The following RAI1 variants were observed in gnomAD, a reference collection of about 807,000 sequenced individuals.
The protein encoded by RAI1 is retinoic acid-induced protein 1.
Under a neutral mutation model 123.8 loss-of-function variants are expected in RAI1, and 9 were observed. The ratio of observed to expected loss-of-function variants is 0.07; its 90% CI spans 0.04 to 0.13. The LOEUF (loss-of-function observed/expected upper bound fraction) is 0.13. Ranked by LOEUF, RAI1 falls within the 10% of genes least tolerant of loss-of-function variation. RAI1 has a pLI of 1.00. For missense variants in RAI1, 2,256 were observed against 2,545.8 expected, an observed-to-expected ratio of 0.89 and a Z score of 2.45; for synonymous variants, 1,231 against 1,127.3, an observed-to-expected ratio of 1.09 and a Z score of -1.84.
chr17:17,793,021 T>C lies in RAI1; in HGVS notation c.73T>C (p.Ser25Pro). The C allele has an allele frequency of 6.2e-7, 1 of 1,613,810 alleles. No individual in the cohort carries two copies. The change falls in exon 3 of 6, where the codon TCA (serine) becomes CCA (proline). Residue 25 changes from serine to proline, a missense_variant. By Grantham distance (74) the Ser-to-Pro change is moderately conservative. This residue lies in a region of RAI1 where 336 missense variants were observed against 349.8 expected (regional missense o/e 0.96). Coordinates refer to ENST00000353383, the MANE Select transcript of RAI1 (RefSeq NM_030665.4). ...QNYQQTSQET[S>P]RLENYRQPSQ... ...CTACCAGCAGACCTCGCAGGAAACA[T>C]CACGCCTAGAGAATTACAGGCAGCC...
chr17:17,717,740 C>T (rs1915755991), intron 1 of RAI1, among the ~76,000 whole-genome samples: 1 of 152,134 alleles, frequency 6.6e-6, no homozygotes, highest in African/African-American at 2.4e-5. Context: ...TTCACTCAGA[C>T]GCTGGCGCTG....
chr17:17,788,133 A>G (rs1213792144), intron 2 of RAI1, among the ~76,000 whole-genome samples: 1 of 152,118 alleles, frequency 6.6e-6, no homozygotes, highest in Non-Finnish European at 1.5e-5. Context: ...TTCCTTGAGC[A>G]TGGGGGGGCC....
At chr17:17,773,967 TC>T (rs2031252452) in intron 2 of RAI1, among the ~76,000 whole-genome samples, 1 of 152,212 alleles carries the variant, frequency 6.6e-6, no homozygotes, top group South Asian at 2.1e-4. Flanking sequence ...GCATCTATAA[TC>T]TATAATTTAA....
At chr17:17,786,475 A>G (rs182924242) in intron 2 of RAI1, among the ~76,000 whole-genome samples, 1 of 152,338 alleles carries the variant, frequency 6.6e-6, no homozygotes, top group East Asian at 1.9e-4. Flanking sequence ...GATTACAACA[A>G]GGTCAGTCGT....
intron 3 of RAI1, among the ~76,000 whole-genome samples, chr17:17,803,085 CAAAAAAAAAA>C (rs1167089282): frequency 1.8e-5 from 1 of 55,946 alleles, no homozygotes; most frequent in Non-Finnish European, 3.8e-5. Context: ...AATTCTGTCT[CAAAAAAAAAA>C]AAAAAAAAAA....
intron 4 of RAI1, among the ~76,000 whole-genome samples, chr17:17,806,928 C>T (rs1324410406): frequency 5.0e-4 from 75 of 151,096 alleles, no homozygotes; most frequent in Admixed American, 4.9e-3. Context: ...TCTGCCAGGC[C>T]ATCTACACAC....
At chr17:17,783,958 C>A (rs1598079486) in intron 2 of RAI1, among the ~76,000 whole-genome samples, 1 of 152,188 alleles carries the variant, frequency 6.6e-6, no homozygotes, top group Non-Finnish European at 1.5e-5. Flanking sequence ...CTGACTTGGA[C>A]GAAGCAATTT....
chr17:17,718,581 C>T (rs542463658), intron 1 of RAI1, among the ~76,000 whole-genome samples: 7 of 152,132 alleles, frequency 4.6e-5, no homozygotes, highest in Admixed American at 2.0e-4. Flanking sequence ...CCCTGAACAA[C>T]GCCTGGAACA....
At chr17:17,765,130 C>T (rs1434353364) in intron 2 of RAI1, among the ~76,000 whole-genome samples, 1 of 152,236 alleles carries the variant, frequency 6.6e-6, no homozygotes, top group Non-Finnish European at 1.5e-5. Flanking sequence ...AGCAAGACCT[C>T]ATCTCTCAAA....
At chr17:17,735,401 T>C (rs1916400681) in intron 2 of RAI1, among the ~76,000 whole-genome samples, 1 of 148,926 alleles carries the variant, frequency 6.7e-6, no homozygotes, top group Admixed American at 6.7e-5. Context: ...TTACCCAGGC[T>C]GGAGTGCAGT....
chr17:17,697,436 G>A (rs1915076468), intron 1 of RAI1, among the ~76,000 whole-genome samples: 1 of 152,226 alleles, frequency 6.6e-6, no homozygotes, highest in South Asian at 2.1e-4. Flanking sequence ...ATTAGGGAGG[G>A]ACATTGTCAG....
At chr17:17,770,975 G>A (rs1001365656) in intron 2 of RAI1, among the ~76,000 whole-genome samples, 4 of 152,098 alleles carry the variant, frequency 2.6e-5, no homozygotes, top group South Asian at 4.1e-4. Flanking sequence ...CTCACAGGCC[G>A]GGAGAATTCC....
At chr17:17,790,388 C>T (rs1038821984) in intron 2 of RAI1, among the ~76,000 whole-genome samples, 3 of 152,222 alleles carry the variant, frequency 2.0e-5, no homozygotes, top group Non-Finnish European at 1.5e-5. Context: ...TTTAATTGAA[C>T]TGTCTTTTCT....
intron 4 of RAI1, among the ~76,000 whole-genome samples, chr17:17,805,731 G>A (rs759964073): frequency 3.3e-5 from 5 of 152,206 alleles, no homozygotes; most frequent in Admixed American, 1.3e-4. Flanking sequence ...GAGCAGGGAC[G>A]TGGAGGATTC....
chr17:17,688,025 CAAAAAAAAAA>C (rs61049701), intron 1 of RAI1, among the ~76,000 whole-genome samples: 1 of 90,074 alleles, frequency 1.1e-5, no homozygotes, highest in Non-Finnish European at 2.1e-5. Flanking sequence ...GACTCTGTCT[CAAAAAAAAAA>C]AAAAAAAAAA....
At chr17:17,744,857 G>A (rs1916770309) in intron 2 of RAI1, among the ~76,000 whole-genome samples, 1 of 151,010 alleles carries the variant, frequency 6.6e-6, no homozygotes, top group South Asian at 2.1e-4. Context: ...TTCCTGTCTA[G>A]GCTTCCCTAG....
At chr17:17,699,636 G>GA (rs992643091) in intron 1 of RAI1, among the ~76,000 whole-genome samples, 2 of 145,982 alleles carry the variant, frequency 1.4e-5, no homozygotes, top group African/African-American at 5.0e-5. Flanking sequence ...GGCCGGGGGG[G>GA]GGGGAATCAA....
At chr17:17,725,174 C>A (rs1393551734) in intron 2 of RAI1, among the ~76,000 whole-genome samples, 1 of 151,210 alleles carries the variant, frequency 6.6e-6, no homozygotes, top group Non-Finnish European at 1.5e-5. Context: ...CTTGGGTTCG[C>A]GGCCGGGGGT....
chr17:17,687,411 G>T (rs1267691146), intron 1 of RAI1, among the ~76,000 whole-genome samples: 1 of 152,138 alleles, frequency 6.6e-6, no homozygotes, highest in African/African-American at 2.4e-5. Flanking sequence ...CACTCCTTGG[G>T]CATGAGAAAC....
Sources: allele counts gnomAD v4.1 joint callset (sites outside exome capture counted in the v4.1 genomes callset), GRCh38; gene constraint gnomAD v4.1.1; regional missense constraint gnomAD v4.1.1; transcripts MANE v1.5; gene names NCBI Gene and HGNC (gene_info 2026-07-23, HGNC 2026-07-21).